The following MAPRE1 variants were observed in gnomAD, a reference collection of about 807,000 sequenced individuals.
MAPRE1 encodes the protein microtubule associated protein RP/EB family member 1.
Under a neutral mutation model 32.1 loss-of-function variants are expected in MAPRE1, and 5 were observed. That is an observed-to-expected ratio of 0.16 (90% CI 0.08 to 0.33). MAPRE1 has a LOEUF of 0.33. Among genes scored for constraint, MAPRE1 ranks in the 10% least tolerant of loss-of-function variants. The probability of loss-of-function intolerance (pLI) is 1.00; values close to 1 mark genes in which losing one functional copy is unlikely to be tolerated. For missense variants in MAPRE1, 209 were observed against 327.2 expected, an observed-to-expected ratio of 0.64 and a Z score of 2.79; for synonymous variants, 122 against 118.9, an observed-to-expected ratio of 1.03 and a Z score of -0.17.
At position 32,836,787 on chromosome 20, in the gene MAPRE1, C is replaced by G. The variant is rs189725550; in HGVS notation, c.421C>G (p.Leu141Val). The G allele has an allele frequency of 1.5e-5, 25 of 1,614,070 alleles. No individual in the cohort carries two copies. The highest frequency in any genetic ancestry group is 2.1e-5 in the Non-Finnish European group (25 of 1,180,042). ...QGQETAVAPS[L>V]VAPALNKPKK... ...TCAAGAAACTGCAGTGGCTCCTTCC[C>G]TTGTTGCTCCAGCTCTGAATAAACC... Residue 141 changes from leucine to valine, a missense_variant, in exon 4 of 7, where the codon CTT becomes GTT. Leu to Val is a conservative substitution (Grantham distance 32). This residue lies in a region of MAPRE1 where 106 missense variants were observed against 115.3 expected (regional missense o/e 0.92). Transcript: ENST00000375571.
intron 3 of MAPRE1, among the ~76,000 whole-genome samples, chr20:32,834,383 T>A (rs1983126841): frequency 6.6e-6 from 1 of 152,218 alleles, no homozygotes; most frequent in African/African-American, 2.4e-5. Context: ...CCCAAAGGTT[T>A]TTGAAGGTAA....
chr20:32,842,419 C>G (rs1417764075), intron 5 of MAPRE1, among the ~76,000 whole-genome samples: 1 of 152,202 alleles, frequency 6.6e-6, no homozygotes, highest in African/African-American at 2.4e-5. Context: ...ATGTCATGCA[C>G]AGTGTAAGCA....
intron 2 of MAPRE1, among the ~76,000 whole-genome samples, chr20:32,829,782 G>C (rs1442260167): frequency 6.6e-6 from 1 of 152,242 alleles, no homozygotes; most frequent in African/African-American, 2.4e-5. Context: ...CTGAGCCTTT[G>C]CTTGGCTCTG....
intron 6 of MAPRE1, among the ~76,000 whole-genome samples, chr20:32,846,982 G>A (rs1983522234): frequency 6.6e-6 from 1 of 152,196 alleles, no homozygotes. Context: ...GAGGTGGCTG[G>A]CTTGCCCAGC....
intron 5 of MAPRE1, among the ~76,000 whole-genome samples, chr20:32,841,599 A>G (rs1376400762): frequency 1.4e-5 from 2 of 148,010 alleles, no homozygotes; most frequent in Non-Finnish European, 3.0e-5. Flanking sequence ...TATATCTCCC[A>G]ATGCTATCCC....
chr20:32,830,169 C>G (rs1364153740), intron 2 of MAPRE1, among the ~76,000 whole-genome samples: 4 of 152,090 alleles, frequency 2.6e-5, no homozygotes, highest in Non-Finnish European at 5.9e-5. Context: ...TCCTTCGCAG[C>G]AAAGGTGTTG....
chr20:32,827,246 A>C (rs534997452), intron 2 of MAPRE1, among the ~76,000 whole-genome samples: 3 of 152,160 alleles, frequency 2.0e-5, no homozygotes, highest in South Asian at 4.2e-4. Flanking sequence ...TCTCTACTAA[A>C]AGTACAAAAA....
chr20:32,830,641 C>T (rs1005171846), intron 2 of MAPRE1, among the ~76,000 whole-genome samples: 2 of 152,314 alleles, frequency 1.3e-5, no homozygotes, highest in Admixed American at 6.5e-5. Flanking sequence ...AGTTCCCAGC[C>T]CCCACCTTCC....
chr20:32,831,699 A>T (rs561222249), intron 2 of MAPRE1, among the ~76,000 whole-genome samples: 238 of 151,684 alleles, frequency 1.6e-3, no homozygotes, highest in African/African-American at 5.4e-3. Flanking sequence ...CGCCTGGCCA[A>T]TTTTTTTGTA....
intron 4 of MAPRE1, 58 bp from the exon 5 acceptor site, chr20:32,839,677 T>G: frequency 6.5e-7 from 1 of 1,540,958 alleles, no homozygotes; most frequent in Non-Finnish European, 8.9e-7. Flanking sequence ...TCTTGTGGAT[T>G]TTTTGTTTGT....
At position 32,839,686 on chromosome 20, in the gene MAPRE1, G is replaced by GT. The variant is rs759859330; in HGVS notation, c.476-46dup. 7.4e-5 allele frequency: 119 copies of GT among 1,602,120 alleles called. 1 individual carries two copies. The highest frequency in any genetic ancestry group is 9.8e-5 in the Non-Finnish European group (115 of 1,174,850). On this transcript the variant is annotated intron_variant, in intron 4 of 6. Coordinates refer to ENST00000375571, the MANE Select transcript of MAPRE1 (RefSeq NM_012325.3). ...ATGTTGTCTTGTGGATTTTTTGTTTGTTTGGGCTGGAATTACTCCTTTTCA... is the reference window on the plus strand; with the variant it reads ...ATGTTGTCTTGTGGATTTTTTGTTTGTTTTGGGCTGGAATTACTCCTTTTCA...
chr20:32,833,199 C>T (rs1037488522), intron 2 of MAPRE1, among the ~76,000 whole-genome samples: 2 of 151,018 alleles, frequency 1.3e-5, no homozygotes, highest in East Asian at 1.9e-4. Flanking sequence ...GACCCTGTTT[C>T]GAAAAGAAAA....
chr20:32,841,438 G>A (rs899612040), intron 5 of MAPRE1, among the ~76,000 whole-genome samples: 10 of 151,704 alleles, frequency 6.6e-5, no homozygotes, highest in Admixed American at 6.6e-5. Context: ...CAGTGTGGCT[G>A]CTCTCTGCTC....
Position 32,849,612 on chromosome 20 carries a change from AGGTTTACAT to A in MAPRE1, c.*885_*893del, listed in dbSNP as rs1165290947. On this transcript the variant is annotated 3_prime_UTR_variant, in exon 7 of 7. Coordinates refer to ENST00000375571, the MANE Select transcript of MAPRE1 (RefSeq NM_012325.3). ...ATTGTATCCCATTTTACTGTCTTTT[AGGTTTACAT>A]TTACCACGTTTCTCTTCTCTGCTCC... 22 of 152,578 alleles carry A rather than the reference AGGTTTACAT, an allele frequency of 1.4e-4. No individual in the cohort carries two copies. Among genetic ancestry groups the A allele is most frequent in the African/African-American group, 5.1e-4 (21 of 41,420 alleles). The allele number at this position is 152,578 out of a possible 1,614,324, so 9.5% of individuals were successfully genotyped here. A position where few individuals can be genotyped will look rare whatever the true frequency, so the allele number is the denominator to read the frequency against.
chr20:32,822,930 A>G lies in MAPRE1; in HGVS notation c.-4+2902A>G, dbSNP rs115769101. ...TAATTTCCCAGTGGAGTCAGTAACT[A>G]AATTGTGTTGGTGTCTTGCATAACA... On this transcript the variant is annotated intron_variant, in intron 1 of 6. Transcript: ENST00000375571. Among the ~76,000 whole-genome samples the G allele has an allele frequency of 2.5e-3, 382 of 152,342 alleles. 4 individuals are homozygous for G. The highest frequency in any genetic ancestry group is 8.9e-3 in the African/African-American group (372 of 41,580).
At chr20:32,826,443 A>ATCTCCTGAC (rs1384946446) in intron 2 of MAPRE1, among the ~76,000 whole-genome samples, 2 of 137,136 alleles carry the variant, frequency 1.5e-5, no homozygotes, top group African/African-American at 5.6e-5. Context: ...GATGGTCTTG[A>ATCTCCTGAC]TCTCCTGACC....
At chr20:32,844,671 C>T (rs943434198) in intron 5 of MAPRE1, among the ~76,000 whole-genome samples, 1 of 152,078 alleles carries the variant, frequency 6.6e-6, no homozygotes, top group Non-Finnish European at 1.5e-5. Flanking sequence ...CTTGGCCTCC[C>T]AAAGTGCTGG....
chr20:32,835,882 A>G (rs976528055), intron 3 of MAPRE1, among the ~76,000 whole-genome samples: 3 of 152,078 alleles, frequency 2.0e-5, no homozygotes, highest in African/African-American at 7.2e-5. Flanking sequence ...TTGGGATTAC[A>G]GGTGTGAGCC....
rs1983574956 is a variant in MAPRE1, at chr20:32,848,822, C to T, written c.*94C>T. The T allele has an allele frequency of 1.8e-6, 2 of 1,107,344 alleles. No homozygotes were observed. Among genetic ancestry groups the T allele is most frequent in the South Asian group, 3.3e-5 (2 of 60,502 alleles). 68.6% of individuals were successfully genotyped at this position (1,107,344 alleles called of 1,614,324 possible). On this transcript the variant is annotated 3_prime_UTR_variant, in exon 7 of 7. Transcript: ENST00000375571. ...CCTTTTGTTATCCTTAGAGGACTCA[C>T]TGGTTTCTTTTCATAAGCAAAAAGT...
Sources: gnomAD v4.1 joint callset for allele counts (sites outside exome capture counted in the v4.1 genomes callset) on GRCh38, gnomAD v4.1.1 for gene constraint, gnomAD v4.1.1 regional missense constraint, MANE v1.5 for transcripts, NCBI Gene and HGNC (gene_info 2026-07-23, HGNC 2026-07-21) for gene names.